Variants in ATAD3B observed in about 807,000 individuals in gnomAD.
ATAD3B encodes the protein ATPase family AAA domain-containing protein 3B.
ATAD3B carries 59 observed loss-of-function variants against 70.2 expected under a neutral mutation model. That is an observed-to-expected ratio of 0.84 (90% CI 0.68 to 1.04). The LOEUF (loss-of-function observed/expected upper bound fraction) is 1.04, where lower values mean the gene tolerates loss of function less well. Among genes scored for constraint, ATAD3B ranks in the 50% least tolerant of loss-of-function variants. ATAD3B has a pLI of 0.00. For missense variants in ATAD3B, 961 were observed against 913.4 expected (o/e 1.05, Z -0.67); for synonymous variants, 423 against 388.6 (o/e 1.09, Z -1.04).
rs144868573 is a variant in ATAD3B at position 1,477,278 on chromosome 1, C to T, written c.210C>T (p.Tyr70=). 2.4e-5 allele frequency: 39 copies of T among 1,612,238 alleles called. 1 individual carries two copies. Among genetic ancestry groups the T allele is most frequent in the Middle Eastern group, 2.0e-4 (1 of 5,024 alleles). ...CCGTGCCACATGCGCCCGCAGGTTA[C>T]GCCAAGGAGGCCCTGAATCTGGCGC... The part of the protein sequence containing the change: ...KAARELEHSR[Y]AKEALNLAQM... Residue 70 remains tyrosine (Y), a synonymous_variant, in exon 2 of 16, where the codon TAC becomes TAT. Transcript: ENST00000673477.
chr1:1,487,210 G>T (rs555546716), intron 11 of ATAD3B, among the ~76,000 whole-genome samples: 4 of 151,298 alleles, frequency 2.6e-5, no homozygotes, highest in African/African-American at 4.9e-5. Flanking sequence ...CTGTCCCTGC[G>T]CCAGGCGTGG....
intron 13 of ATAD3B, 110 bp from the exon 14 acceptor site, chr1:1,490,147 G>A (rs367791370): frequency 4.7e-5 from 71 of 1,502,288 alleles, no homozygotes; most frequent in South Asian, 1.5e-4. Flanking sequence ...ACAAGCTGCC[G>A]CTTTAGATTC....
intron 9 of ATAD3B, 114 bp downstream of exon 9, chr1:1,485,952 A>G: frequency 6.3e-7 from 1 of 1,597,692 alleles, no homozygotes. Context: ...GGGTCCTGAG[A>G]TGCAACTGCT....
At position 1,479,257 on chromosome 1, in the gene ATAD3B, C is replaced by T. The variant is rs543854163; in HGVS notation, c.444+149C>T. On this transcript the variant is annotated intron_variant, in intron 4 of 15. Transcript: ENST00000673477. ...GCAGGGGAAACTACTCGGACAGACA[C>T]GCACCAGCACACGTGTACAGGCACA... 117 of 914,120 alleles carry T rather than the reference C, an allele frequency of 1.3e-4. 8 individuals carry two copies. The East Asian group carries it at 2.8e-3, about 22-fold the overall frequency. The allele number at this position is 914,120 out of a possible 1,614,324, so 56.6% of individuals were successfully genotyped here.
At chr1:1,489,874 G>T in intron 13 of ATAD3B, 8 of 1,217,574 alleles carry the variant, frequency 6.6e-6, no homozygotes, top group Non-Finnish European at 8.4e-6. Flanking sequence ...GGCCCCCGAG[G>T]TCCTGCTTCT....
chr1:1,487,996 T>G, intron 12 of ATAD3B, 82 bp downstream of exon 12: 1 of 1,572,336 alleles, frequency 6.4e-7, no homozygotes, highest in Non-Finnish European at 8.7e-7. Context: ...GCTGCAGCCC[T>G]TAAGCTGGCT....
In ATAD3B at chr1:1,491,678, T is replaced by C. The variant is rs1282142094; in HGVS notation, c.1614+1007T>C. On this transcript the variant is annotated intron_variant, in intron 15 of 15. Coordinates refer to ENST00000673477, the MANE Select transcript of ATAD3B (RefSeq NM_031921.6). The stretch of plus-strand genomic sequence containing the variant: ...AACCTGGTCACTCGATCTAGCAGCG[T>C]ATTTGAATGAATGAGTGACAGCTTA... Among the ~76,000 whole-genome samples the C allele has an allele frequency of 2.6e-5, 4 of 152,024 alleles. 2 individuals are homozygous for C. The highest frequency in any genetic ancestry group is 5.9e-5 in the Non-Finnish European group (4 of 67,960).
rs1357728067 is a variant in ATAD3B at position 1,478,280 on chromosome 1, A to G, written c.283-364A>G. On this transcript the variant is annotated intron_variant, in intron 2 of 15. Transcript: ENST00000673477. ...ACAAAGTGCTGGGATTATAGGCAAG[A>G]GCGATGGCGCCCGGCCCACTCAGCA... 3 of 814,088 alleles carry G rather than the reference A, an allele frequency of 3.7e-6. No individual in the cohort carries two copies. In the East Asian group the frequency reaches 8.6e-5, roughly 23 times the overall value. The allele number at this position is 814,088 out of a possible 1,614,324, so 50.4% of individuals were successfully genotyped here. A position where few individuals can be genotyped will look rare whatever the true frequency, so the allele number is the denominator to read the frequency against.
At position 1,471,914 on chromosome 1, in the gene ATAD3B, C is replaced by A; in HGVS notation, c.30C>A (p.Gly10=). 1 of 1,269,168 alleles carries A rather than the reference C, an allele frequency of 7.9e-7. No homozygotes were observed. Among genetic ancestry groups the A allele is most frequent in the Non-Finnish European group, 1.0e-6 (1 of 1,003,116 alleles). 78.6% of individuals were successfully genotyped at this position (1,269,168 alleles called of 1,614,324 possible). A position where few individuals can be genotyped will look rare whatever the true frequency, so the allele number is the denominator to read the frequency against. Residue 10 remains glycine, a synonymous_variant, in exon 1 of 16, where the codon GGC becomes GGA. Transcript: ENST00000673477. MSWLFGVNK[G]PKGEGAGPPP... ...CGTGGCTCTTCGGCGTTAACAAGGG[C>A]CCCAAGGGTGAAGGCGCGGGGCCGC...
chr1:1,505,908 C>G, the ATAD3B span, among the ~76,000 whole-genome samples: 3 of 152,170 alleles, frequency 2.0e-5, no homozygotes, highest in African/African-American at 7.2e-5. Flanking sequence ...ACTGGAACAG[C>G]TCGTGCCCTC....
rs546106003 is a variant in ATAD3B at position 1,493,457 on chromosome 1, G to T, written c.1615-2028G>T. Among the ~76,000 whole-genome samples the T allele has an allele frequency of 5.3e-5, 8 of 151,610 alleles. No individual in the cohort carries two copies. The South Asian group carries it at 1.0e-3, about 20-fold the overall frequency. The stretch of plus-strand genomic sequence containing the variant: ...TTTGTTTCTTTTCTTTTCTTTTGGT[G>T]GGGGGACCAGTCTCGCTTTTGCCGC... On this transcript the variant is annotated intron_variant, in intron 15 of 15. Transcript: ENST00000673477.
chr1:1,509,292 A>T, the ATAD3B span: 1 of 1,612,878 alleles, frequency 6.2e-7, no homozygotes, highest in African/African-American at 1.3e-5. Context: ...GCACCAGCAG[A>T]TGATGCGCTG....
intron 15 of ATAD3B, among the ~76,000 whole-genome samples, chr1:1,491,733 G>C (rs560611909): frequency 1.3e-5 from 2 of 152,092 alleles, no homozygotes; most frequent in East Asian, 1.9e-4. Context: ...TGATTTGAAC[G>C]TAGGAGCCGG....
chr1:1,478,348 A>G, intron 2 of ATAD3B: 2 of 1,361,480 alleles, frequency 1.5e-6, no homozygotes, highest in Non-Finnish European at 2.0e-6. Context: ...ATCACAGTCC[A>G]AAAGTGAGCA....
rs1048848015 is a variant in ATAD3B, at chr1:1,475,193, G to T, written c.206-2081G>T. On this transcript the variant is annotated intron_variant, in intron 1 of 15. Coordinates refer to ENST00000673477, the MANE Select transcript of ATAD3B (RefSeq NM_031921.6). ...CCCTCTCTGTGGTGGAGCGGGGCCC[G>T]GGGCAGGGTCTCCAGGTGCACCGTG... is the stretch of plus-strand genomic sequence containing the variant. 1.0e-4 allele frequency among the ~76,000 whole-genome samples: 15 copies of T among 149,992 alleles called. No individual in the cohort carries two copies. The East Asian group carries it at 2.7e-3, about 27-fold the overall frequency.
chr1:1,503,450 A>T, the ATAD3B span: 2 of 723,732 alleles, frequency 2.8e-6, no homozygotes, highest in Non-Finnish European at 4.8e-6. Flanking sequence ...AGGAAGGAGG[A>T]TGGGGAGGCA....
chr1:1,494,420 C>T lies in ATAD3B; in HGVS notation c.1615-1065C>T, dbSNP rs550982179. Among the ~76,000 whole-genome samples the T allele has an allele frequency of 8.2e-4, 124 of 151,428 alleles. 4 individuals are homozygous for T. The highest frequency in any genetic ancestry group is 8.1e-3 in the Admixed American group (123 of 15,194). ...TGTTGAGCAGTCCTGGGCCCCTGAG[C>T]CACAGTGGCGGTGCGGCTCCGGTCA... is the stretch of plus-strand genomic sequence containing the variant. On this transcript the variant is annotated intron_variant, in intron 15 of 15. Transcript: ENST00000673477.
chr1:1,474,291 C>T (rs1223172002), intron 1 of ATAD3B, among the ~76,000 whole-genome samples: 4 of 149,266 alleles, frequency 2.7e-5, no homozygotes, highest in South Asian at 2.1e-4. Context: ...CCTGGGTACA[C>T]GCCATTCTCC....
chr1:1,502,834 CTT>C (rs1422138064), downstream of ATAD3B, among the ~76,000 whole-genome samples: 1 of 151,106 alleles, frequency 6.6e-6, no homozygotes, highest in African/African-American at 2.4e-5. Flanking sequence ...TTATAGCAAA[CTT>C]TACTTTTGTT....
Sources: gnomAD v4.1 joint callset for allele counts (sites outside exome capture counted in the v4.1 genomes callset) on GRCh38, gnomAD v4.1.1 for gene constraint, MANE v1.5 for transcripts, NCBI Gene and HGNC (gene_info 2026-07-23, HGNC 2026-07-21) for gene names.